The following RGS20 variants were observed in gnomAD, a reference collection of about 807,000 sequenced individuals.
The protein encoded by RGS20 is regulator of G protein signaling 20, also known as gz-selective GTPase-activating protein.
Under a neutral mutation model 33.6 loss-of-function variants are expected in RGS20, and 30 were observed. That is an observed-to-expected ratio of 0.89 (90% confidence interval 0.67 to 1.21). The LOEUF (loss-of-function observed/expected upper bound fraction) is 1.21, where lower values mean the gene tolerates loss of function less well. RGS20 is among the 50% of genes most tolerant of loss of function. The pLI is 0.00. For synonymous variants in RGS20, 208 were observed against 197.9 expected, an observed-to-expected ratio of 1.05 and a Z score of -0.43; for missense variants, 472 against 502.4, an observed-to-expected ratio of 0.94 and a Z score of 0.58.
At chr8:53,949,287 T>TTATATATACTATATATAAGATACAGTATA (rs1563433541) in intron 4 of RGS20, among the ~76,000 whole-genome samples, 18 of 147,308 alleles carry the variant, frequency 1.2e-4, no homozygotes, top group African/African-American at 2.2e-4. Flanking sequence ...CAGTATATAT[T>TTATATATACTATATATAAGATACAGTATA]TATATATACT....
chr8:53,887,930 G>T (rs946478763), intron 2 of RGS20, among the ~76,000 whole-genome samples: 8 of 151,702 alleles, frequency 5.3e-5, no homozygotes, highest in Admixed American at 1.3e-4. Flanking sequence ...AGTGGGCCAT[G>T]ATCTTGCCTC....
At chr8:53,868,418 C>T (rs1485390604) in intron 1 of RGS20, among the ~76,000 whole-genome samples, 1 of 152,068 alleles carries the variant, frequency 6.6e-6, no homozygotes, top group Admixed American at 6.6e-5. Context: ...GTCTGGGGAG[C>T]CAGTTCTACT....
At chr8:53,874,465 G>T (rs1016139000) in intron 1 of RGS20, among the ~76,000 whole-genome samples, 14 of 151,802 alleles carry the variant, frequency 9.2e-5, no homozygotes, top group African/African-American at 2.9e-4. Context: ...TAAGGAATTG[G>T]CTCATGTAAT....
In RGS20 at chr8:53,913,185, C is replaced by A. The variant is rs1813396137; in HGVS notation, c.511-26391C>A. 2.0e-5 allele frequency among the ~76,000 whole-genome samples: 3 copies of A among 152,096 alleles called. No individual in the cohort carries two copies. In the South Asian group the frequency reaches 6.2e-4, roughly 32 times the overall value. Reference sequence around the variant, plus strand: ...TTCTCCATGTTAGTCAGGCTAGTATCAAACTCCTGACCTCAGGTGATCCAC... The same window carrying A: ...TTCTCCATGTTAGTCAGGCTAGTATAAAACTCCTGACCTCAGGTGATCCAC... On this transcript the variant is annotated intron_variant, in intron 2 of 5. Transcript: ENST00000297313.
In RGS20 at chr8:53,871,625, AAT is replaced by A. The variant is rs576739720; in HGVS notation, c.166-7631_166-7630del. On this transcript the variant is annotated intron_variant, in intron 1 of 5. Coordinates refer to ENST00000297313, the MANE Select transcript of RGS20 (RefSeq NM_170587.4). ...GAGTGAGAGTCCATCTCAAAAAAAA[AAT>A]AATAATAATAATAATTACAACAGCT... Among the ~76,000 whole-genome samples, 6 of 113,462 alleles carry A rather than the reference AAT, an allele frequency of 5.3e-5. No homozygotes were observed. The South Asian group carries it at 1.2e-3, about 22-fold the overall frequency. The allele number at this position is 113,462 out of a possible 152,430, so 74.4% of individuals were successfully genotyped here.
chr8:53,909,209 G>GTATATATA (rs1178436696), intron 2 of RGS20, among the ~76,000 whole-genome samples: 12 of 43,726 alleles, frequency 2.7e-4, no homozygotes, highest in Admixed American at 6.9e-4. Flanking sequence ...TGGTATGTGT[G>GTATATATA]TATATATATA....
intron 3 of RGS20, 118 bp from the exon 3 acceptor site, chr8:53,946,547 A>T: frequency 1.1e-6 from 1 of 890,990 alleles, no homozygotes; most frequent in Non-Finnish European, 1.9e-6. Context: ...TTTTTTTCCA[A>T]GTAGAGGAAG....
At chr8:53,938,716 G>T (rs1814204358) in intron 2 of RGS20, among the ~76,000 whole-genome samples, 1 of 152,082 alleles carries the variant, frequency 6.6e-6, no homozygotes, top group South Asian at 2.1e-4. Flanking sequence ...CTTGCAATTA[G>T]CTCCATCAAG....
At chr8:53,945,955 C>T (rs1814463547) in intron 3 of RGS20, among the ~76,000 whole-genome samples, 1 of 151,812 alleles carries the variant, frequency 6.6e-6, no homozygotes, top group South Asian at 2.1e-4. Context: ...AGTACAAATT[C>T]CATTTACGAT....
rs372855348 is a variant in RGS20 at position 53,895,794 on chromosome 8, G to A, written c.510+16192G>A. Among the ~76,000 whole-genome samples, 95 of 151,766 alleles carry A rather than the reference G, an allele frequency of 6.3e-4. No individual in the cohort carries two copies. In the South Asian group the frequency reaches 0.013, roughly 20 times the overall value. On this transcript the variant is annotated intron_variant, in intron 2 of 5. Coordinates refer to ENST00000297313, the MANE Select transcript of RGS20 (RefSeq NM_170587.4). ...TGAGTAGCTGGGACTACAGGCACCC[G>A]GAACCATGCCTGGCTAATTTCCTTG...
At chr8:53,928,262 C>T (rs1162453004) in intron 2 of RGS20, among the ~76,000 whole-genome samples, 1 of 152,124 alleles carries the variant, frequency 6.6e-6, no homozygotes, top group East Asian at 1.9e-4. Context: ...CAGGCTCTTG[C>T]ATTTCTCCAC....
chr8:53,934,867 AC>A (rs1219082790), intron 2 of RGS20, among the ~76,000 whole-genome samples: 1 of 151,910 alleles, frequency 6.6e-6, no homozygotes, highest in Non-Finnish European at 1.5e-5. Context: ...AAAGTAAAAC[AC>A]TCCTCGGCAA....
chr8:53,898,292 C>T (rs1812922902), intron 2 of RGS20, among the ~76,000 whole-genome samples: 1 of 152,176 alleles, frequency 6.6e-6, no homozygotes, highest in Admixed American at 6.5e-5. Flanking sequence ...ACCCAGACCA[C>T]TGTCCTGGTA....
intron 2 of RGS20, among the ~76,000 whole-genome samples, chr8:53,921,793 C>G (rs1396681660): frequency 6.6e-6 from 1 of 152,036 alleles, no homozygotes; most frequent in South Asian, 2.1e-4. Context: ...AAATAACTAA[C>G]TTTTGGTTTC....
chr8:53,952,633 G>A (rs1797970203), intron 4 of RGS20, among the ~76,000 whole-genome samples: 1 of 151,180 alleles, frequency 6.6e-6, no homozygotes, highest in Non-Finnish European at 1.5e-5. Flanking sequence ...GGCTGAGGCA[G>A]GAGAATCACT....
At chr8:53,879,727 G>A in intron 2 of RGS20, 2 of 820,166 alleles carry the variant, frequency 2.4e-6, no homozygotes, top group African/African-American at 1.8e-5. Flanking sequence ...TGGCAAGGTC[G>A]GGAAGGCCGG....
At chr8:53,898,155 C>G (rs1199513154) in intron 2 of RGS20, among the ~76,000 whole-genome samples, 2 of 152,156 alleles carry the variant, frequency 1.3e-5, no homozygotes, top group African/African-American at 4.8e-5. Flanking sequence ...CTATAATTCC[C>G]TGCCTGACTT....
At chr8:53,923,181 A>C (rs958396382) in intron 2 of RGS20, among the ~76,000 whole-genome samples, 1 of 151,370 alleles carries the variant, frequency 6.6e-6, no homozygotes, top group Non-Finnish European at 1.5e-5. Flanking sequence ...ACTGCTTTAT[A>C]TAATCCTCCC....
rs183378127 is a variant in RGS20 at position 53,949,791 on chromosome 8, A to G, written c.743+3043A>G. Among the ~76,000 whole-genome samples the G allele has an allele frequency of 2.7e-3, 412 of 152,110 alleles. 4 individuals are homozygous for G. Among genetic ancestry groups the G allele is most frequent in the African/African-American group, 9.2e-3 (382 of 41,532 alleles). On this transcript the variant is annotated intron_variant, in intron 4 of 5. Transcript: ENST00000297313. ...ATGCTTGCCAAAAATTTAATGGTAT[A>G]TAAGTAAAGAAAGTGGTCTAACCTC...
Sources: allele counts gnomAD v4.1 joint callset (sites outside exome capture counted in the v4.1 genomes callset), GRCh38; gene constraint gnomAD v4.1.1; transcripts MANE v1.5; gene names NCBI Gene and HGNC (gene_info 2026-07-23, HGNC 2026-07-21).